Variants in SEC31A observed in about 807,000 individuals in gnomAD.
SEC31A encodes protein transport protein Sec31A.
SEC31A carries 70 observed loss-of-function variants against 151.0 expected under a neutral mutation model. That is an observed-to-expected ratio of 0.46 (90% CI 0.38 to 0.57). SEC31A has a LOEUF of 0.57. Among genes scored for constraint, SEC31A ranks in the 20% least tolerant of loss-of-function variants. The pLI, the probability that SEC31A is intolerant of heterozygous loss-of-function variation, is 0.00. For synonymous variants in SEC31A, 475 were observed against 505.9 expected, an observed-to-expected ratio of 0.94 and a Z score of 0.82; for missense variants, 1,330 against 1,471.2, an observed-to-expected ratio of 0.90 and a Z score of 1.57.
chr4:82,824,845 G>T (rs1037993994), intron 24 of SEC31A, among the ~76,000 whole-genome samples, 171 bp from the exon 25 acceptor site: 2 of 151,962 alleles, frequency 1.3e-5, no homozygotes, highest in Non-Finnish European at 2.9e-5. Flanking sequence ...ATAAAAACCA[G>T]ATATCTAGTA....
chr4:82,826,303 GT>G (rs1219490375), intron 24 of SEC31A, among the ~76,000 whole-genome samples: 2 of 152,006 alleles, frequency 1.3e-5, no homozygotes, highest in African/African-American at 2.4e-5. Flanking sequence ...TTGTCAAAAT[GT>G]TTTTATAATG....
Position 82,826,226 on chromosome 4 carries a change from AT to A in SEC31A, c.3291+1142del, listed in dbSNP as rs374115203. On this transcript the variant is annotated intron_variant, in intron 24 of 26. Transcript: ENST00000395310. ...ATAACACAGGCTTATAATCTTTTTT[AT>A]TTTTTTTTAAATACAACTCTATAAT... Among the ~76,000 whole-genome samples the A allele has an allele frequency of 6.5e-3, 980 of 150,380 alleles. 9 individuals are homozygous for A. The highest frequency in any genetic ancestry group is 0.022 in the African/African-American group (929 of 41,316).
intron 3 of SEC31A, among the ~76,000 whole-genome samples, chr4:82,879,342 AG>A (rs1405657904): frequency 6.7e-6 from 1 of 149,300 alleles, no homozygotes; most frequent in African/African-American, 2.5e-5. Context: ...ATTTGACTAT[AG>A]AAGGGTCTCA....
chr4:82,819,501 C>T (rs557820158), intron 26 of SEC31A, among the ~76,000 whole-genome samples: 9 of 152,268 alleles, frequency 5.9e-5, no homozygotes, highest in East Asian at 1.9e-4. Flanking sequence ...TATTTTCTTA[C>T]AGAAAAGCAG....
At chr4:82,858,900 A>C (rs551341003) in intron 14 of SEC31A, among the ~76,000 whole-genome samples, 101 of 151,944 alleles carry the variant, frequency 6.6e-4, no homozygotes, top group Non-Finnish European at 1.3e-3. Flanking sequence ...ACGGGGTTTC[A>C]CTGTGTTAGC....
intron 26 of SEC31A, among the ~76,000 whole-genome samples, chr4:82,820,732 C>T (rs1367445907): frequency 1.3e-5 from 2 of 152,048 alleles, no homozygotes; most frequent in Non-Finnish European, 2.9e-5. Context: ...GTAACTGGGC[C>T]ATATAAAAGG....
chr4:82,891,159 C>T (rs975260655), upstream of SEC31A: 25 of 1,535,540 alleles, frequency 1.6e-5, no homozygotes, highest in African/African-American at 2.7e-4. Context: ...CATTCGCCGC[C>T]GCCCCTCCTC....
In SEC31A at chr4:82,842,285, A is replaced by G; in HGVS notation, c.2823T>C (p.Thr941=). Residue 941 remains threonine, a synonymous_variant, in exon 22 of 27, where the codon ACT becomes ACC. Coordinates refer to ENST00000395310, the MANE Select transcript of SEC31A (RefSeq NM_001077207.4). ...QASSPTSSPA[T]SFPPPPSSGA... ...CAGAGGAAGGGGGAGGAGGGAAAGAAGTAGCAGGGCTGGAGGTAGGTGAAG... is the reference window on the plus strand; with the variant it reads ...CAGAGGAAGGGGGAGGAGGGAAAGAGGTAGCAGGGCTGGAGGTAGGTGAAG... 6.2e-7 allele frequency: 1 copy of G among 1,613,874 alleles called. No homozygotes were observed. The highest frequency in any genetic ancestry group is 8.5e-7 in the Non-Finnish European group (1 of 1,179,894).
chr4:82,839,886 C>T (rs1406771203), intron 22 of SEC31A, among the ~76,000 whole-genome samples: 1 of 152,194 alleles, frequency 6.6e-6, no homozygotes, highest in African/African-American at 2.4e-5. Flanking sequence ...GCCACAGGCA[C>T]TTCTGCTTAA....
chr4:82,842,395 T>C lies in SEC31A; in HGVS notation c.2713A>G (p.Asn905Asp), dbSNP rs770729649. 27 of 1,613,810 alleles carry C rather than the reference T, an allele frequency of 1.7e-5. No homozygotes were observed. Among genetic ancestry groups the C allele is most frequent in the Non-Finnish European group, 2.1e-5 (25 of 1,179,948 alleles). The change falls in exon 22 of 27, where the codon AAC (asparagine) becomes GAC (aspartate). Residue 905 changes from asparagine (N) to aspartate (D), a missense_variant. By Grantham distance (23) the Asn-to-Asp change is conservative (BLOSUM62 1). Coordinates refer to ENST00000395310, the MANE Select transcript of SEC31A (RefSeq NM_001077207.4). ...PQQPVAPPTS[N>D]AYPNTPYISS... ...ATGTAAGGGGTGTTAGGGTAAGCGT[T>C]TGAAGTAGGAGGAGCAACAGGCTGC... is the stretch of plus-strand genomic sequence containing the variant.
At chr4:82,827,220 A>G (rs1254219024) in intron 24 of SEC31A, 149 bp downstream of exon 24, 1 of 823,262 alleles carries the variant, frequency 1.2e-6, no homozygotes, top group Non-Finnish European at 1.9e-6. Flanking sequence ...ATATACATAC[A>G]TGATCGATCT....
intron 22 of SEC31A, among the ~76,000 whole-genome samples, chr4:82,830,231 C>T (rs749455179): frequency 7.9e-5 from 12 of 152,122 alleles, no homozygotes; most frequent in Non-Finnish European, 1.0e-4. Context: ...TGGGCTGAGG[C>T]GGGTGGATCA....
chr4:82,889,324 T>G (rs538994112), intron 1 of SEC31A, among the ~76,000 whole-genome samples: 3 of 152,280 alleles, frequency 2.0e-5, no homozygotes, highest in Admixed American at 2.0e-4. Flanking sequence ...TAGAAAATCC[T>G]ACATGTCACT....
At chr4:82,850,396 G>C (rs1240910357) in intron 19 of SEC31A, among the ~76,000 whole-genome samples, 1 of 152,000 alleles carries the variant, frequency 6.6e-6, no homozygotes, top group African/African-American at 2.4e-5. Flanking sequence ...AAATGAGATG[G>C]ATCTTACAGC....
intron 10 of SEC31A, among the ~76,000 whole-genome samples, chr4:82,866,446 G>C (rs949354593): frequency 6.6e-6 from 1 of 152,056 alleles, no homozygotes; most frequent in Non-Finnish European, 1.5e-5. Context: ...ACTCCAGCCT[G>C]TACAACAGAG....
At chr4:82,873,355 CAAAA>C (rs763404751) in intron 6 of SEC31A, among the ~76,000 whole-genome samples, 2 of 112,960 alleles carry the variant, frequency 1.8e-5, no homozygotes, top group African/African-American at 3.3e-5. Flanking sequence ...GAGTCCCTCT[CAAAA>C]AAAAAAAAAC....
chr4:82,872,696 A>G (rs928377203), intron 6 of SEC31A, among the ~76,000 whole-genome samples: 1 of 151,950 alleles, frequency 6.6e-6, no homozygotes, highest in Non-Finnish European at 1.5e-5. Context: ...TAGAGAAAAC[A>G]TTTCATTGTA....
chr4:82,878,642 A>C (rs1232060523), intron 4 of SEC31A, 88 bp downstream of exon 4: 1 of 1,124,798 alleles, frequency 8.9e-7, no homozygotes, highest in South Asian at 1.5e-5. Context: ...TTAACTTTCA[A>C]TTCCAAAACT....
intron 1 of SEC31A, among the ~76,000 whole-genome samples, chr4:82,884,355 A>T (rs907287156): frequency 9.2e-5 from 14 of 152,196 alleles, no homozygotes; most frequent in African/African-American, 1.9e-4. Context: ...CAAAAAAAAA[A>T]TTTCTTTTCA....
Sources: gnomAD v4.1 joint callset for allele counts (sites outside exome capture counted in the v4.1 genomes callset) on GRCh38, gnomAD v4.1.1 for gene constraint, MANE v1.5 for transcripts, NCBI Gene and HGNC (gene_info 2026-07-23, HGNC 2026-07-21) for gene names.